Variants in PCDHA4 observed in about 807,000 individuals in gnomAD.
PCDHA4 encodes protocadherin alpha 4.
A neutral mutation model predicts 61.4 loss-of-function variants in PCDHA4; 49 were observed. That is an observed-to-expected ratio of 0.80 (90% CI 0.63 to 1.01). The LOEUF is 1.01. Ranked by LOEUF, PCDHA4 falls within the 50% of genes least tolerant of loss-of-function variation. The pLI is 0.00. For synonymous variants in PCDHA4, 590 were observed against 550.3 expected (o/e 1.07, Z -1.01); for missense variants, 1,254 against 1,235.8 (o/e 1.01, Z -0.22).
chr5:140,829,215 A>G (rs2150163989), intron 1 of PCDHA4: 5 of 1,614,224 alleles, frequency 3.1e-6, no homozygotes, highest in Middle Eastern at 1.6e-4. Context: ...ATTAGCGTGA[A>G]CGACCTCGAT....
At chr5:140,876,015 A>G (rs1479938988) in intron 1 of PCDHA4, 3 of 1,613,662 alleles carry the variant, frequency 1.9e-6, no homozygotes, top group Non-Finnish European at 2.5e-6. Flanking sequence ...TTGAGCTTAA[A>G]ATAAAAACAA....
chr5:140,948,937 T>C (rs1309849094), intron 1 of PCDHA4, among the ~76,000 whole-genome samples: 1 of 134,978 alleles, frequency 7.4e-6, no homozygotes, highest in African/African-American at 2.6e-5. Context: ...ACATTTCTTC[T>C]AATATAAAAA....
Position 140,927,496 on chromosome 5 carries a change from G to C in PCDHA4, c.2386-51453G>C, listed in dbSNP as rs1206944698. On this transcript the variant is annotated intron_variant, in intron 1 of 3. Transcript: ENST00000530339. ...CGAACAGCGCGCCACCCACCTGCTG[G>C]TGCTTACAGCTCGGGACGGCGGGCT... The C allele has an allele frequency of 3.7e-6, 6 of 1,614,026 alleles. No homozygotes were observed. The highest frequency in any genetic ancestry group is 5.1e-6 in the Non-Finnish European group (6 of 1,180,054).
In PCDHA4 at chr5:140,884,521, G is replaced by A. The variant is rs569278761; in HGVS notation, c.2385+74949G>A. On this transcript the variant is annotated intron_variant, in intron 1 of 3. Transcript: ENST00000530339. ...GCGCGGCAGGGAGTTGGTCGTACTCGCAGCAGAGGCGGCCGAGGGTGTGCT... is the reference window on the plus strand; with the variant it reads ...GCGCGGCAGGGAGTTGGTCGTACTCACAGCAGAGGCGGCCGAGGGTGTGCT... 8.1e-6 allele frequency: 13 copies of A among 1,614,196 alleles called. No homozygotes were observed. In the East Asian group the frequency reaches 2.0e-4, roughly 25 times the overall value.
In PCDHA4 at chr5:140,829,234, C is replaced by T. The variant is rs140237774; in HGVS notation, c.2385+19662C>T. On this transcript the variant is annotated intron_variant, in intron 1 of 3. Coordinates refer to ENST00000530339, the MANE Select transcript of PCDHA4 (RefSeq NM_018907.4). ...GCGTGAACGACCTCGATTCAGGTGC[C>T]AACGGGCAGGTGAACTGCTCGCTGA... The T allele has an allele frequency of 3.7e-6, 6 of 1,614,136 alleles. No homozygotes were observed. In the African/African-American group the frequency reaches 6.7e-5, roughly 18 times the overall value.
At chr5:140,892,144 G>A (rs549500463) in intron 1 of PCDHA4, among the ~76,000 whole-genome samples, 45 of 152,220 alleles carry the variant, frequency 3.0e-4, no homozygotes, top group African/African-American at 1.1e-3. Context: ...TGGTTTTAGC[G>A]TCTATTTCTG....
intron 2 of PCDHA4, 90 bp downstream of exon 2, chr5:140,979,097 C>T (rs2096835129): frequency 9.0e-6 from 14 of 1,547,204 alleles, no homozygotes; most frequent in African/African-American, 1.4e-5. Context: ...AAGCAGCTGT[C>T]AAAACTAAAA....
chr5:140,817,688 C>CAGTA, intron 1 of PCDHA4: 1 of 152,288 alleles, frequency 6.6e-6, no homozygotes, highest in Admixed American at 6.5e-5. Context: ...TCTAGACACA[C>CAGTA]AGTACATTAT....
chr5:140,999,801 G>T (rs1271249129), intron 3 of PCDHA4, among the ~76,000 whole-genome samples: 1 of 152,112 alleles, frequency 6.6e-6, no homozygotes, highest in Admixed American at 6.5e-5. Flanking sequence ...GTTATTTTGG[G>T]CACAAAGCAA....
chr5:140,863,024 C>G (rs563115859), intron 1 of PCDHA4: 7 of 555,234 alleles, frequency 1.3e-5, no homozygotes, highest in Non-Finnish European at 2.1e-5. Flanking sequence ...CTGGTTGTCG[C>G]AACAGCTGCA....
chr5:140,877,521 AG>A, intron 1 of PCDHA4: 1 of 1,613,770 alleles, frequency 6.2e-7, no homozygotes, highest in African/African-American at 1.3e-5. Context: ...CGCGGGCCTC[AG>A]TGGGCGCTGT....
intron 1 of PCDHA4, among the ~76,000 whole-genome samples, chr5:140,941,191 T>TTTTTTCTTTC (rs1554213809): frequency 1.1e-5 from 1 of 93,206 alleles, no homozygotes; most frequent in Non-Finnish European, 2.3e-5. Flanking sequence ...GCTTCTTTTT[T>TTTTTTCTTTC]TTTCTTTCTT....
At chr5:140,818,732 G>A (rs2150102254) in intron 1 of PCDHA4, among the ~76,000 whole-genome samples, 20 of 152,118 alleles carry the variant, frequency 1.3e-4, no homozygotes, top group African/African-American at 4.6e-4. Flanking sequence ...CAGCTACTTG[G>A]GAGGCTGAAG....
chr5:140,927,526 G>A, intron 1 of PCDHA4: 1 of 1,614,086 alleles, frequency 6.2e-7, no homozygotes, highest in South Asian at 1.1e-5. Flanking sequence ...CGGGCTACCT[G>A]CCCGCTCAGG....
At chr5:140,839,227 T>C (rs1776100105) in intron 1 of PCDHA4, among the ~76,000 whole-genome samples, 1 of 152,010 alleles carries the variant, frequency 6.6e-6, no homozygotes, top group African/African-American at 2.4e-5. Context: ...AACTGTAATC[T>C]GTTTTTATTG....
rs1764395892 is a variant in PCDHA4, at chr5:140,809,210, G to A, written c.2023G>A (p.Ala675Thr). Residue 675 changes from alanine (A) to threonine (T), a missense_variant, in exon 1 of 4, where the codon GCG (alanine) becomes ACG (threonine). Physicochemically the swap from Ala to Thr is moderately conservative, Grantham distance 58. Coordinates refer to ENST00000530339, the MANE Select transcript of PCDHA4 (RefSeq NM_018907.4). ...VLVSLVESGQ[A>T]PKASSRALVG... ...GGTGTCACTTGTGGAGAGTGGACAGGCGCCAAAGGCCTCCTCACGGGCGTT... is the reference window on the plus strand; with the variant it reads ...GGTGTCACTTGTGGAGAGTGGACAGACGCCAAAGGCCTCCTCACGGGCGTT... 2 of 1,613,956 alleles carry A rather than the reference G, an allele frequency of 1.2e-6. No homozygotes were observed. The highest frequency in any genetic ancestry group is 2.7e-5 in the African/African-American group (2 of 74,944).
intron 1 of PCDHA4, chr5:140,877,604 T>C: frequency 6.2e-7 from 1 of 1,613,886 alleles, no homozygotes. Flanking sequence ...TCCAGCCTGC[T>C]GGTGCTCACG....
intron 1 of PCDHA4, among the ~76,000 whole-genome samples, chr5:140,896,733 C>T (rs920661983): frequency 2.0e-5 from 3 of 151,970 alleles, no homozygotes; most frequent in Non-Finnish European, 2.9e-5. Flanking sequence ...TGTTTAAGTT[C>T]CTTATAGATT....
intron 1 of PCDHA4, among the ~76,000 whole-genome samples, chr5:140,885,025 T>A (rs2060432297): frequency 6.6e-6 from 1 of 152,228 alleles, no homozygotes; most frequent in Non-Finnish European, 1.5e-5. Context: ...ATCTTAAATT[T>A]AAAAAATTTT....
Sources: gnomAD v4.1 joint callset for allele counts (sites outside exome capture counted in the v4.1 genomes callset) on GRCh38, gnomAD v4.1.1 for gene constraint, MANE v1.5 for transcripts, NCBI Gene and HGNC (gene_info 2026-07-23, HGNC 2026-07-21) for gene names.